SPON1: variants seen among roughly 807,000 people sequenced by gnomAD.
The protein encoded by SPON1 is spondin-1.
A neutral mutation model predicts 111.7 loss-of-function variants in SPON1; 52 were observed. The observed-to-expected ratio is 0.47, with a 90% confidence interval of 0.37 to 0.59. SPON1 has a LOEUF of 0.59. SPON1 is among the 20% of genes least tolerant of loss of function. The pLI is 0.00. For synonymous variants in SPON1, 410 were observed against 395.8 expected, an observed-to-expected ratio of 1.04 and a Z score of -0.43; for missense variants, 957 against 1,068.5, an observed-to-expected ratio of 0.90 and a Z score of 1.46.
At chr11:13,985,087 T>C (rs1400726717) in intron 2 of SPON1, among the ~76,000 whole-genome samples, 1 of 152,230 alleles carries the variant, frequency 6.6e-6, no homozygotes, top group African/African-American at 2.4e-5. Context: ...TCAGAAACTC[T>C]GAGGGCAGGG....
intron 5 of SPON1, among the ~76,000 whole-genome samples, chr11:14,087,203 C>T (rs186530022): frequency 1.6e-3 from 244 of 152,104 alleles, no homozygotes; most frequent in Non-Finnish European, 2.7e-3. Context: ...AATTTGTTTA[C>T]TCTTGCTTCT....
Position 14,189,189 on chromosome 11 carries a change from C to G in SPON1, c.825+53621C>G, listed in dbSNP as rs573187763. Among the ~76,000 whole-genome samples the G allele has an allele frequency of 2.6e-5, 4 of 152,302 alleles. No individual in the cohort carries two copies. The South Asian group carries it at 8.3e-4, about 32-fold the overall frequency. ...CAGAAGCAATTTGAATGTCCAGAAG[C>G]CAATGATTGCAGAGTCCCACTGCAG... On this transcript the variant is annotated intron_variant, in intron 6 of 15. Coordinates refer to ENST00000576479, the MANE Select transcript of SPON1 (RefSeq NM_006108.4).
At chr11:14,066,700 C>T (rs1232956825) in intron 3 of SPON1, among the ~76,000 whole-genome samples, 3 of 152,120 alleles carry the variant, frequency 2.0e-5, no homozygotes, top group Non-Finnish European at 2.9e-5. Flanking sequence ...TACTCACAAC[C>T]CCCACCCCAC....
At chr11:14,097,069 C>T (rs1403940590) in intron 5 of SPON1, among the ~76,000 whole-genome samples, 1 of 152,160 alleles carries the variant, frequency 6.6e-6, no homozygotes, top group Admixed American at 6.5e-5. Flanking sequence ...TCACCTAGGA[C>T]CTAAAAACAC....
chr11:14,210,965 T>TCTGTTTTGATACCAGTACCATG (rs1848569194), intron 6 of SPON1, among the ~76,000 whole-genome samples: 1 of 152,204 alleles, frequency 6.6e-6, no homozygotes, highest in African/African-American at 2.4e-5. Context: ...GGTCTATATA[T>TCTGTTTTGATACCAGTACCATG]CTGTTTTGAT....
chr11:14,251,133 A>G (rs528492081), intron 7 of SPON1, among the ~76,000 whole-genome samples: 2 of 152,200 alleles, frequency 1.3e-5, no homozygotes, highest in African/African-American at 4.8e-5. Flanking sequence ...GTCAGGAAAT[A>G]CCTCCTCCAG....
rs552188451 is a variant in SPON1, at chr11:14,145,821, C to A, written c.825+10253C>A. 1.8e-3 allele frequency among the ~76,000 whole-genome samples: 272 copies of A among 152,130 alleles called. 1 individual carries two copies. The highest frequency in any genetic ancestry group is 6.0e-3 in the African/African-American group (249 of 41,482). On this transcript the variant is annotated intron_variant, in intron 6 of 15. Coordinates refer to ENST00000576479, the MANE Select transcript of SPON1 (RefSeq NM_006108.4). The stretch of plus-strand genomic sequence containing the variant: ...TATTAGAAACTCTGGATGCATTTAA[C>A]GGGTCAAATACCATGCAGCTATTAA...
intron 6 of SPON1, among the ~76,000 whole-genome samples, chr11:14,137,248 G>C (rs1847603172): frequency 6.6e-6 from 1 of 152,108 alleles, no homozygotes; most frequent in Non-Finnish European, 1.5e-5. Context: ...TCATGGATGG[G>C]ACCCCCCACC....
chr11:14,046,621 A>G lies in SPON1; in HGVS notation c.479+4967A>G, dbSNP rs552528591. 2.4e-4 allele frequency among the ~76,000 whole-genome samples: 37 copies of G among 152,288 alleles called. No homozygotes were observed. The South Asian group carries it at 2.5e-3, about 10-fold the overall frequency. On this transcript the variant is annotated intron_variant, in intron 3 of 15. Coordinates refer to ENST00000576479, the MANE Select transcript of SPON1 (RefSeq NM_006108.4). ...AACCCACACCATTTTATAGTGTAAA[A>G]TGGTTTGAAATGGTTATGTTTTGAT...
intron 5 of SPON1, among the ~76,000 whole-genome samples, chr11:14,111,218 C>G (rs1403882305): frequency 1.3e-5 from 2 of 152,116 alleles, no homozygotes; most frequent in South Asian, 2.1e-4. Context: ...TTCAAGATAC[C>G]ACATATATTA....
At chr11:14,090,199 G>GA (rs3047374) in intron 5 of SPON1, among the ~76,000 whole-genome samples, 198 of 113,248 alleles carry the variant, frequency 1.7e-3, no homozygotes, top group Middle Eastern at 4.3e-3. Flanking sequence ...ACTAGGGTAT[G>GA]AAAAAAAAAA....
intron 5 of SPON1, among the ~76,000 whole-genome samples, chr11:14,095,858 C>T (rs1554923844): frequency 6.6e-6 from 1 of 152,182 alleles, no homozygotes; most frequent in African/African-American, 2.4e-5. Flanking sequence ...ATAAAATGAA[C>T]CATCACAAAC....
chr11:14,131,542 CCTT>C (rs1324885512), intron 5 of SPON1, among the ~76,000 whole-genome samples: 1 of 152,190 alleles, frequency 6.6e-6, no homozygotes, highest in African/African-American at 2.4e-5. Flanking sequence ...TGCTCCACCA[CCTT>C]CTTTTGGATT....
At chr11:14,063,473 A>C (rs1352016634) in intron 3 of SPON1, among the ~76,000 whole-genome samples, 1 of 152,042 alleles carries the variant, frequency 6.6e-6, no homozygotes, top group African/African-American at 2.4e-5. Flanking sequence ...CTTGTAGCTG[A>C]AAATATTTCT....
At chr11:13,968,979 T>C (rs932934800) in intron 1 of SPON1, among the ~76,000 whole-genome samples, 7 of 152,176 alleles carry the variant, frequency 4.6e-5, no homozygotes, top group African/African-American at 1.7e-4. Flanking sequence ...CTCTGTCACA[T>C]ATTTTCATGC....
chr11:14,182,764 C>T (rs1848248013), intron 6 of SPON1, among the ~76,000 whole-genome samples: 1 of 152,154 alleles, frequency 6.6e-6, no homozygotes, highest in Non-Finnish European at 1.5e-5. Context: ...CTATCAGTGA[C>T]CCTGCCAGGT....
chr11:14,240,247 C>T (rs1295554655), intron 6 of SPON1, among the ~76,000 whole-genome samples: 1 of 152,146 alleles, frequency 6.6e-6, no homozygotes, highest in Non-Finnish European at 1.5e-5. Context: ...TCTCTCTGAT[C>T]CTTATAGAAG....
At chr11:14,081,835 G>A (rs965929872) in intron 5 of SPON1, among the ~76,000 whole-genome samples, 82 of 152,084 alleles carry the variant, frequency 5.4e-4, no homozygotes, top group African/African-American at 1.7e-3. Context: ...CACCCAGAGG[G>A]GACTTCGACA....
chr11:14,013,073 C>T (rs1848418176), intron 2 of SPON1, among the ~76,000 whole-genome samples: 1 of 152,184 alleles, frequency 6.6e-6, no homozygotes, highest in Admixed American at 6.5e-5. Flanking sequence ...TAATTTCACA[C>T]ATGTTACTAA....
Sources: allele counts gnomAD v4.1 joint callset (sites outside exome capture counted in the v4.1 genomes callset), GRCh38; gene constraint gnomAD v4.1.1; transcripts MANE v1.5; gene names NCBI Gene and HGNC (gene_info 2026-07-23, HGNC 2026-07-21).